SYN3: variants seen among roughly 807,000 people sequenced by gnomAD.
The protein encoded by SYN3 is synapsin III.
SYN3 carries 35 observed loss-of-function variants against 65.8 expected under a neutral mutation model. The observed-to-expected ratio is 0.53, with a 90% CI of 0.41 to 0.70. The LOEUF (loss-of-function observed/expected upper bound fraction) is 0.70, where lower values mean the gene tolerates loss of function less well. Ranked by LOEUF, SYN3 falls within the 30% of genes least tolerant of loss-of-function variation. The probability of loss-of-function intolerance (pLI) is 0.00; values close to 1 mark genes in which losing one functional copy is unlikely to be tolerated. For synonymous variants in SYN3, 270 were observed against 292.9 expected, an observed-to-expected ratio of 0.92 and a Z score of 0.80; for missense variants, 680 against 749.0, an observed-to-expected ratio of 0.91 and a Z score of 1.08.
chr22:32,735,940 G>A (rs1462326627), intron 6 of SYN3, among the ~76,000 whole-genome samples: 2 of 152,240 alleles, frequency 1.3e-5, no homozygotes, highest in Non-Finnish European at 2.9e-5. Flanking sequence ...CCCAGAGGCA[G>A]GGGGATGGCA....
At chr22:32,527,082 T>A (rs2057990721) in intron 12 of SYN3, among the ~76,000 whole-genome samples, 1 of 152,216 alleles carries the variant, frequency 6.6e-6, no homozygotes, top group South Asian at 2.1e-4. Flanking sequence ...CATTCTCTAA[T>A]AAGTGGTGGA....
chr22:32,730,484 T>C (rs556763399), intron 6 of SYN3, among the ~76,000 whole-genome samples: 1 of 152,362 alleles, frequency 6.6e-6, no homozygotes, highest in East Asian at 1.9e-4. Context: ...CTCCATTTGA[T>C]TTCCTACATA....
At chr22:32,577,278 G>A (rs1321096110) in intron 7 of SYN3, among the ~76,000 whole-genome samples, 2 of 152,144 alleles carry the variant, frequency 1.3e-5, no homozygotes, top group African/African-American at 4.8e-5. Flanking sequence ...TTCTACCTGC[G>A]ATGTCTCCTT....
At chr22:32,557,601 AAAC>A (rs2058522430) in intron 7 of SYN3, among the ~76,000 whole-genome samples, 1 of 152,224 alleles carries the variant, frequency 6.6e-6, no homozygotes. Context: ...CTGTCTCTGT[AAAC>A]AACTATAAAA....
chr22:32,773,479 C>A (rs1017149958), intron 6 of SYN3, among the ~76,000 whole-genome samples: 4 of 149,330 alleles, frequency 2.7e-5, no homozygotes, highest in East Asian at 4.0e-4. Context: ...TAGGTTCTTG[C>A]TGGCTGGGGA....
At chr22:32,556,801 CTGGTTTTTTTTT>C (rs2058505524) in intron 7 of SYN3, among the ~76,000 whole-genome samples, 1 of 50,506 alleles carries the variant, frequency 2.0e-5, no homozygotes, top group Admixed American at 2.9e-4. Flanking sequence ...TATAGGTTTC[CTGGTTTTTTTTT>C]TTTTTTTTTT....
chr22:32,807,381 A>C (rs2046784554), intron 6 of SYN3, among the ~76,000 whole-genome samples: 1 of 107,000 alleles, frequency 9.3e-6, no homozygotes, highest in Non-Finnish European at 1.8e-5. Context: ...TATATATAAT[A>C]TATATTATAT....
rs1289838280 is a variant in SYN3, at chr22:32,667,096, T to C, written c.712-70360A>G. Among the ~76,000 whole-genome samples, 4 of 152,336 alleles carry C rather than the reference T, an allele frequency of 2.6e-5. No individual in the cohort carries two copies. The South Asian group carries it at 8.3e-4, about 32-fold the overall frequency. ...TAAATTATGCCCCTTTTTGTTTTAT[T>C]CACAGACTTTAGAACCAAATCTCAG... On this transcript the variant is annotated intron_variant, in intron 6 of 13. Coordinates refer to ENST00000358763, the MANE Select transcript of SYN3 (RefSeq NM_003490.4).
chr22:32,569,590 A>ATATATATATATATATATATATATAT, intron 7 of SYN3, among the ~76,000 whole-genome samples: 1 of 92,578 alleles, frequency 1.1e-5, no homozygotes, highest in African/African-American at 3.3e-5. Context: ...TATATATATA[A>ATATATATATATATATATATATATAT]AATCTATCTA....
intron 3 of SYN3, among the ~76,000 whole-genome samples, chr22:32,944,595 T>G (rs2051047021): frequency 1.3e-5 from 2 of 152,188 alleles, no homozygotes; most frequent in Admixed American, 1.3e-4. Context: ...TCATACTGAA[T>G]GGACAAAAAC....
At chr22:33,011,277 C>T (rs2053345550) in intron 1 of SYN3, among the ~76,000 whole-genome samples, 1 of 152,118 alleles carries the variant, frequency 6.6e-6, no homozygotes, top group Non-Finnish European at 1.5e-5. Context: ...GAGTTCTTAT[C>T]ATTTGGGAGT....
chr22:32,527,958 C>G lies in SYN3; in HGVS notation c.1278G>C (p.Gly426=). The part of the protein sequence containing the change: ...SAKSPGQAQL[G]PQLGQPQPRP... ...GTGGCTGGGGCTGGCCTAGCTGAGG[C>G]CCCAGCTGGGCTTGCCCTGGGGATT... Residue 426 remains glycine (G), a synonymous_variant, in exon 12 of 14, where the codon GGG becomes GGC. Transcript: ENST00000358763. The G allele has an allele frequency of 6.3e-7, 1 of 1,590,990 alleles. No individual in the cohort carries two copies. The highest frequency in any genetic ancestry group is 8.6e-7 in the Non-Finnish European group (1 of 1,167,708).
chr22:32,708,081 TA>T (rs2060904151), intron 6 of SYN3, among the ~76,000 whole-genome samples: 1 of 152,240 alleles, frequency 6.6e-6, no homozygotes, highest in African/African-American at 2.4e-5. Flanking sequence ...GTTGGATTAT[TA>T]GTGCATATGA....
intron 6 of SYN3, among the ~76,000 whole-genome samples, chr22:32,630,691 A>T (rs1569106955): frequency 6.6e-6 from 1 of 152,210 alleles, no homozygotes; most frequent in Non-Finnish European, 1.5e-5. Context: ...CCAACACTTA[A>T]TCAAGACATA....
chr22:32,708,088 T>C (rs1159460705), intron 6 of SYN3, among the ~76,000 whole-genome samples: 1 of 152,232 alleles, frequency 6.6e-6, no homozygotes, highest in South Asian at 2.1e-4. Flanking sequence ...TATTAGTGCA[T>C]ATGAATAAGA....
At chr22:33,031,101 C>T (rs911063132) in intron 1 of SYN3, among the ~76,000 whole-genome samples, 7 of 152,226 alleles carry the variant, frequency 4.6e-5, no homozygotes, top group African/African-American at 1.4e-4. Context: ...CAGTTGCCCA[C>T]GGCCCCCTGC....
At chr22:32,606,450 A>G (rs777811628) in intron 6 of SYN3, among the ~76,000 whole-genome samples, 2 of 152,210 alleles carry the variant, frequency 1.3e-5, no homozygotes, top group Admixed American at 6.5e-5. Context: ...TCCTGTCAGG[A>G]GGAGGAGCAC....
chr22:32,671,915 C>T (rs1391465255), intron 6 of SYN3, among the ~76,000 whole-genome samples: 4 of 152,378 alleles, frequency 2.6e-5, no homozygotes, highest in Admixed American at 6.5e-5. Flanking sequence ...CATTTGTTCT[C>T]CAGAGCTTGT....
chr22:32,515,228 C>G (rs904697369), intron 13 of SYN3, among the ~76,000 whole-genome samples: 3 of 152,180 alleles, frequency 2.0e-5, no homozygotes, highest in African/African-American at 7.2e-5. Context: ...AGTGACCAAA[C>G]CTGGTTTAAG....
Sources: allele counts gnomAD v4.1 joint callset (sites outside exome capture counted in the v4.1 genomes callset), GRCh38; gene constraint gnomAD v4.1.1; transcripts MANE v1.5; gene names NCBI Gene and HGNC (gene_info 2026-07-23, HGNC 2026-07-21).